UNC5D: variants seen among roughly 807,000 people sequenced by gnomAD.
UNC5D encodes the protein unc-5 netrin receptor D.
UNC5D carries 39 observed loss-of-function variants against 105.4 expected under a neutral mutation model. The observed-to-expected ratio is 0.37, with a 90% confidence interval of 0.29 to 0.48. The LOEUF (loss-of-function observed/expected upper bound fraction) is 0.48. Ranked by LOEUF, UNC5D falls within the 20% of genes least tolerant of loss-of-function variation. The probability of loss-of-function intolerance (pLI) is 0.98; values close to 1 mark genes in which losing one functional copy is unlikely to be tolerated. For missense variants in UNC5D, 991 were observed against 1,202.4 expected (o/e 0.82, Z 2.60); for synonymous variants, 452 against 450.4 (o/e 1.00, Z -0.04).
chr8:35,485,349 T>C (rs1435210718), intron 1 of UNC5D, among the ~76,000 whole-genome samples: 1 of 152,216 alleles, frequency 6.6e-6, no homozygotes, highest in Non-Finnish European at 1.5e-5. Context: ...ATGGGCAAGA[T>C]GACTGGCATA....
chr8:35,617,001 T>C (rs928262336), intron 4 of UNC5D, among the ~76,000 whole-genome samples: 4 of 152,202 alleles, frequency 2.6e-5, no homozygotes, highest in African/African-American at 9.7e-5. Flanking sequence ...TCAGCAGTAA[T>C]GTTCCATGGG....
chr8:35,433,918 C>T (rs1418047092), intron 1 of UNC5D, among the ~76,000 whole-genome samples: 2 of 151,342 alleles, frequency 1.3e-5, no homozygotes, highest in Non-Finnish European at 2.9e-5. Flanking sequence ...GTGGAACTTT[C>T]TTAATTAAAT....
chr8:35,490,209 TAAC>T (rs1811114741), intron 1 of UNC5D, among the ~76,000 whole-genome samples: 1 of 152,136 alleles, frequency 6.6e-6, no homozygotes, highest in Non-Finnish European at 1.5e-5. Context: ...TTTGGTGTAT[TAAC>T]AATTTTGGAG....
chr8:35,675,621 C>A (rs925960305), intron 4 of UNC5D, among the ~76,000 whole-genome samples: 1 of 151,890 alleles, frequency 6.6e-6, no homozygotes, highest in Non-Finnish European at 1.5e-5. Flanking sequence ...ATTAATGGGC[C>A]TGATTTGCAT....
At chr8:35,396,889 G>GT (rs924158824) in intron 1 of UNC5D, among the ~76,000 whole-genome samples, 2 of 151,396 alleles carry the variant, frequency 1.3e-5, no homozygotes, top group African/African-American at 4.9e-5. Context: ...GAGCCCAAGG[G>GT]TTTTTTTGTT....
intron 4 of UNC5D, among the ~76,000 whole-genome samples, chr8:35,611,341 C>CAA (rs1820668933): frequency 6.6e-6 from 1 of 152,144 alleles, no homozygotes; most frequent in African/African-American, 2.4e-5. Flanking sequence ...CAAAAAGCTT[C>CAA]GTGGCCCCAT....
intron 2 of UNC5D, among the ~76,000 whole-genome samples, chr8:35,551,277 T>C (rs1816120418): frequency 6.6e-6 from 1 of 152,046 alleles, no homozygotes; most frequent in African/African-American, 2.4e-5. Flanking sequence ...AGGATAAAAA[T>C]GTGAGATCAT....
chr8:35,571,292 G>A (rs1208097168), intron 3 of UNC5D, among the ~76,000 whole-genome samples: 3 of 152,100 alleles, frequency 2.0e-5, no homozygotes, highest in Admixed American at 2.0e-4. Context: ...ATAAAGATGT[G>A]ATTTCTAAAT....
chr8:35,740,212 G>T (rs11989128), intron 11 of UNC5D, among the ~76,000 whole-genome samples: 12,010 of 152,242 alleles, frequency 0.079, 1,320 homozygotes, highest in African/African-American at 0.25. Flanking sequence ...CCTGTGAATT[G>T]ACAACCGTAC....
intron 1 of UNC5D, among the ~76,000 whole-genome samples, chr8:35,365,652 G>T (rs1802075628): frequency 6.9e-6 from 1 of 144,812 alleles, no homozygotes; most frequent in East Asian, 2.1e-4. Context: ...CTGGTCACTT[G>T]CAGGCAGAGG....
At chr8:35,361,353 C>A (rs1267039616) in intron 1 of UNC5D, among the ~76,000 whole-genome samples, 4 of 152,154 alleles carry the variant, frequency 2.6e-5, no homozygotes, top group African/African-American at 9.7e-5. Flanking sequence ...AATCTCATGG[C>A]TGTCCTTGAT....
chr8:35,305,732 C>G (rs956725400), intron 1 of UNC5D, among the ~76,000 whole-genome samples: 3 of 143,734 alleles, frequency 2.1e-5, no homozygotes, highest in African/African-American at 7.8e-5. Flanking sequence ...TCTCTTTTCT[C>G]TTTCTTTCTC....
intron 1 of UNC5D, among the ~76,000 whole-genome samples, chr8:35,358,294 A>G (rs546129731): frequency 6.6e-6 from 1 of 152,318 alleles, no homozygotes; most frequent in Non-Finnish European, 1.5e-5. Flanking sequence ...TGGTACATAT[A>G]CACCATGGGA....
At chr8:35,253,168 T>G (rs1351733020) in intron 1 of UNC5D, among the ~76,000 whole-genome samples, 8 of 151,920 alleles carry the variant, frequency 5.3e-5, no homozygotes, top group Admixed American at 5.3e-4. Flanking sequence ...TTGGAACTTC[T>G]TCTCCCACTT....
At chr8:35,730,204 G>C (rs1398128415) in intron 10 of UNC5D, among the ~76,000 whole-genome samples, 18 of 152,148 alleles carry the variant, frequency 1.2e-4, no homozygotes, top group Admixed American at 1.2e-3. Context: ...GCCCTCCTTA[G>C]ACTCTTCTTT....
chr8:35,659,124 G>GT (rs775378976), intron 4 of UNC5D, among the ~76,000 whole-genome samples: 2 of 152,236 alleles, frequency 1.3e-5, no homozygotes, highest in African/African-American at 4.8e-5. Flanking sequence ...CTTTGTTATA[G>GT]TTTTTTTCCC....
intron 1 of UNC5D, among the ~76,000 whole-genome samples, chr8:35,265,026 G>A (rs535036409): frequency 6.6e-6 from 1 of 152,272 alleles, no homozygotes; most frequent in African/African-American, 2.4e-5. Flanking sequence ...ACCAAAGAAA[G>A]TGGAAGAGAT....
intron 1 of UNC5D, among the ~76,000 whole-genome samples, chr8:35,362,474 C>A (rs1801909205): frequency 6.6e-6 from 1 of 152,116 alleles, no homozygotes; most frequent in Non-Finnish European, 1.5e-5. Flanking sequence ...GTGAGGGTAG[C>A]TGTGTCTCAC....
intron 13 of UNC5D, among the ~76,000 whole-genome samples, chr8:35,752,351 T>C (rs540570748): frequency 3.3e-4 from 50 of 152,198 alleles, no homozygotes; most frequent in African/African-American, 1.2e-3. Flanking sequence ...ATTTCCTCAG[T>C]AACTAGATTT....
Sources: gnomAD v4.1 joint callset for allele counts (sites outside exome capture counted in the v4.1 genomes callset) on GRCh38, gnomAD v4.1.1 for gene constraint, MANE v1.5 for transcripts, NCBI Gene and HGNC (gene_info 2026-07-23, HGNC 2026-07-21) for gene names.